The following BCAR3 variants were observed in gnomAD, a reference collection of about 807,000 sequenced individuals.
The protein encoded by BCAR3 is BCAR3 adaptor protein, NSP family member, also known as breast cancer anti-estrogen resistance protein 3.
In BCAR3, 37 loss-of-function variants were observed where a neutral mutation model predicts 80.1. The observed-to-expected ratio is 0.46, with a 90% CI of 0.36 to 0.61. BCAR3 has a LOEUF of 0.61. Ranked by LOEUF, BCAR3 falls within the 20% of genes least tolerant of loss-of-function variation. The pLI is 0.00. For missense variants in BCAR3, 978 were observed against 1,068.2 expected, an observed-to-expected ratio of 0.92 and a Z score of 1.18; for synonymous variants, 389 against 418.9, an observed-to-expected ratio of 0.93 and a Z score of 0.87.
rs1672688841 is a variant in BCAR3, at chr1:93,561,900, C to G, written c.*341G>C. 5.5e-6 allele frequency: 1 copy of G among 180,564 alleles called. No homozygotes were observed. Among genetic ancestry groups the G allele is most frequent in the Admixed American group, 6.1e-5 (1 of 16,484 alleles). 11.2% of individuals were successfully genotyped at this position (180,564 alleles called of 1,614,324 possible). A position where few individuals can be genotyped will look rare whatever the true frequency, so the allele number is the denominator to read the frequency against. On this transcript the variant is annotated 3_prime_UTR_variant, in exon 12 of 12. Transcript: ENST00000260502. The stretch of plus-strand genomic sequence containing the variant: ...AAATGTTTCATGCTTTTAAACTCTT[C>G]TATTTACACTTATCTGACATGGAAT...
chr1:93,666,536 T>C (rs866044385), intron 2 of BCAR3, among the ~76,000 whole-genome samples: 8 of 152,162 alleles, frequency 5.3e-5, no homozygotes, highest in Middle Eastern at 3.2e-3. Context: ...CCCCCTAAAC[T>C]GAGAACTCCC....
chr1:93,737,115 G>A (rs1469051298), intron 2 of BCAR3, among the ~76,000 whole-genome samples: 2 of 152,126 alleles, frequency 1.3e-5, no homozygotes, highest in Non-Finnish European at 2.9e-5. Flanking sequence ...GGAGTGCTGT[G>A]GTCAGATTTG....
chr1:93,699,886 C>T lies in BCAR3; in HGVS notation c.-12+6206G>A, dbSNP rs201606789. Among the ~76,000 whole-genome samples the T allele has an allele frequency of 2.6e-5, 4 of 152,110 alleles. No individual in the cohort carries two copies. The East Asian group carries it at 7.7e-4, about 29-fold the overall frequency. On this transcript the variant is annotated intron_variant, in intron 3 of 13. Transcript: ENST00000370244. The stretch of plus-strand genomic sequence containing the variant: ...AGGAAACAGACCCAGAGAGGTTGCC[C>T]GCCATTTGCCAGCTCTTATGAAGGG...
intron 2 of BCAR3, among the ~76,000 whole-genome samples, chr1:93,643,016 T>C (rs1444190507): frequency 6.6e-6 from 1 of 150,728 alleles, no homozygotes; most frequent in Non-Finnish European, 1.5e-5. Context: ...TCAAGGCAGG[T>C]GGGGAGTTCG....
chr1:93,566,333 A>G (rs1672950236), intron 11 of BCAR3, among the ~76,000 whole-genome samples: 1 of 152,094 alleles, frequency 6.6e-6, no homozygotes, highest in African/African-American at 2.4e-5. Flanking sequence ...GGAAGCTGTC[A>G]CCAGGTGCTT....
chr1:93,616,987 T>A (rs751041899), intron 3 of BCAR3, among the ~76,000 whole-genome samples: 1 of 152,206 alleles, frequency 6.6e-6, no homozygotes, highest in Non-Finnish European at 1.5e-5. Flanking sequence ...TCAGGCCAAA[T>A]GTTGCCCACC....
intron 2 of BCAR3, among the ~76,000 whole-genome samples, chr1:93,643,124 C>T (rs763839399): frequency 1.3e-5 from 2 of 150,958 alleles, no homozygotes; most frequent in African/African-American, 4.9e-5. Flanking sequence ...CTACTAGGGA[C>T]GGTGAGGCAG....
intron 3 of BCAR3, among the ~76,000 whole-genome samples, chr1:93,612,921 AG>A (rs1290964334): frequency 6.6e-6 from 1 of 152,198 alleles, no homozygotes; most frequent in Non-Finnish European, 1.5e-5. Flanking sequence ...TTAAACAAAA[AG>A]GTTTTCTCCC....
intron 3 of BCAR3, among the ~76,000 whole-genome samples, chr1:93,612,363 G>C (rs1049007979): frequency 1.3e-5 from 2 of 151,982 alleles, no homozygotes; most frequent in Non-Finnish European, 2.9e-5. Context: ...GAGAGATAGA[G>C]AGTGCACAAG....
intron 2 of BCAR3, among the ~76,000 whole-genome samples, chr1:93,718,389 G>A (rs939956131): frequency 2.6e-5 from 4 of 152,210 alleles, no homozygotes; most frequent in African/African-American, 7.2e-5. Flanking sequence ...GGCATGTGGT[G>A]CAGAGGGAGG....
At chr1:93,668,409 AGGG>A (rs1648027066) in intron 2 of BCAR3, among the ~76,000 whole-genome samples, 1 of 152,226 alleles carries the variant, frequency 6.6e-6, no homozygotes, top group Non-Finnish European at 1.5e-5. Flanking sequence ...CGCAAGATGC[AGGG>A]GCTGAGCTCA....
In BCAR3 at chr1:93,707,144, C is replaced by T. The variant is rs2101977064; in HGVS notation, c.-62-1002G>A. Among the ~76,000 whole-genome samples, 3 of 152,110 alleles carry T rather than the reference C, an allele frequency of 2.0e-5. No homozygotes were observed. The South Asian group carries it at 6.2e-4, about 32-fold the overall frequency. On this transcript the variant is annotated intron_variant, in intron 2 of 13. Coordinates refer to the BCAR3 transcript ENST00000370244. ...GAGCTGAGATCATGCCATTACACTA[C>T]AGCCTAGGTGACAACAGCAAGACTC...
intron 2 of BCAR3, among the ~76,000 whole-genome samples, chr1:93,840,148 G>C (rs1654906083): frequency 6.6e-6 from 1 of 152,212 alleles, no homozygotes; most frequent in Non-Finnish European, 1.5e-5. Flanking sequence ...CAAGATTCTA[G>C]AGCGTGGTAG....
upstream of BCAR3, chr1:93,847,866 G>A (rs544131110): frequency 1.5e-5 from 3 of 196,492 alleles, no homozygotes; most frequent in Non-Finnish European, 3.1e-5. Context: ...CAGCTCAGCC[G>A]ACTGGGCAGT....
At chr1:93,695,970 C>T (rs1187765620) in intron 3 of BCAR3, among the ~76,000 whole-genome samples, 1 of 152,146 alleles carries the variant, frequency 6.6e-6, no homozygotes. Flanking sequence ...TATCCAGGTC[C>T]TGCACTTGGT....
chr1:93,742,712 A>G (rs1015677267), intron 2 of BCAR3, among the ~76,000 whole-genome samples: 2 of 152,276 alleles, frequency 1.3e-5, no homozygotes, highest in Non-Finnish European at 1.5e-5. Context: ...TCTTGTATTT[A>G]AAACCACTGA....
intron 3 of BCAR3, among the ~76,000 whole-genome samples, chr1:93,640,590 G>C (rs1482780130): frequency 6.6e-6 from 1 of 152,162 alleles, no homozygotes; most frequent in Non-Finnish European, 1.5e-5. Flanking sequence ...TCACTGTCAG[G>C]AGAAGGCAAA....
At chr1:93,651,980 T>G (rs1676340442) in intron 2 of BCAR3, among the ~76,000 whole-genome samples, 2 of 152,180 alleles carry the variant, frequency 1.3e-5, no homozygotes, top group Admixed American at 1.3e-4. Context: ...TCTCTGGCAG[T>G]GAGGCCAAAA....
At chr1:93,717,434 G>GAGAT (rs1481301914) in intron 2 of BCAR3, among the ~76,000 whole-genome samples, 1 of 152,154 alleles carries the variant, frequency 6.6e-6, no homozygotes, top group Non-Finnish European at 1.5e-5. Flanking sequence ...GTAAGAATTG[G>GAGAT]AGATAAGAGG....
Sources: allele counts gnomAD v4.1 joint callset (sites outside exome capture counted in the v4.1 genomes callset), GRCh38; gene constraint gnomAD v4.1.1; transcripts MANE v1.5; gene names NCBI Gene and HGNC (gene_info 2026-07-23, HGNC 2026-07-21).